LRCH4: variants seen among roughly 807,000 people sequenced by gnomAD.
LRCH4 encodes leucine rich repeats and calponin homology domain containing 4, also known as leucine-rich repeat and calponin homology domain-containing protein 4.
LRCH4 carries 56 observed loss-of-function variants against 81.2 expected under a neutral mutation model. The observed-to-expected ratio is 0.69, with a 90% CI of 0.56 to 0.86. LRCH4 has a LOEUF of 0.86. Among genes scored for constraint, LRCH4 ranks in the 40% least tolerant of loss-of-function variants. The pLI, the probability that LRCH4 is intolerant of heterozygous loss-of-function variation, is 0.00. For missense variants in LRCH4, 895 were observed against 922.8 expected, an observed-to-expected ratio of 0.97 and a Z score of 0.39; for synonymous variants, 442 against 409.7, an observed-to-expected ratio of 1.08 and a Z score of -0.95.
chr7:100,585,711 G>A (rs920042351), intron 1 of LRCH4, among the ~76,000 whole-genome samples, 170 bp downstream of exon 1: 1 of 152,186 alleles, frequency 6.6e-6, no homozygotes, highest in African/African-American at 2.4e-5. Flanking sequence ...TCATTGTCTA[G>A]GGGGTTCTCA....
At position 100,578,519 on chromosome 7, in the gene LRCH4, C is replaced by A; in HGVS notation, c.736-8G>T. ...TTTCCCCTTCAGGCAGACCTGTGTG[C>A]GGGGCAGCACACGCCAGGGAGTTGG... On this transcript the variant is annotated splice_polypyrimidine_tract_variant and splice_region_variant and intron_variant, in intron 5 of 17. Transcript: ENST00000310300. This position sits in a 1 kb window ranked among gnomAD's most constrained non-coding sequence, Gnocchi z 5.7. 1 of 1,610,978 alleles carries A rather than the reference C, an allele frequency of 6.2e-7. No individual in the cohort carries two copies. Among genetic ancestry groups the A allele is most frequent in the Non-Finnish European group, 8.5e-7 (1 of 1,178,132 alleles).
Position 100,577,458 on chromosome 7 carries a change from A to C in LRCH4, c.1178+39T>G, listed in dbSNP as rs1392398337. ...GGGAAGGAGGCGGTTGGGGGGTGGGAGGATCGGGCAGTGGCGTCAGTTTGG... is the reference window on the plus strand; with the variant it reads ...GGGAAGGAGGCGGTTGGGGGGTGGGCGGATCGGGCAGTGGCGTCAGTTTGG... On this transcript the variant is annotated intron_variant, in intron 10 of 17. Coordinates refer to ENST00000310300, the MANE Select transcript of LRCH4 (RefSeq NM_002319.5). The surrounding 1 kb of genome is among the most constrained non-coding windows in gnomAD (Gnocchi z 6.7). The C allele has an allele frequency of 6.2e-7, 1 of 1,603,186 alleles. No individual in the cohort carries two copies. Among genetic ancestry groups the C allele is most frequent in the Non-Finnish European group, 8.5e-7 (1 of 1,179,704 alleles).
At position 100,578,309 on chromosome 7, in the gene LRCH4, C is replaced by T. The variant is rs77186730; in HGVS notation, c.849-51G>A. On this transcript the variant is annotated intron_variant, in intron 6 of 17. Transcript: ENST00000310300. This position sits in a 1 kb window ranked among gnomAD's most constrained non-coding sequence, Gnocchi z 5.7. ...CAGCCTGATGCTGGACAACAGCCCC[C>T]CATCCTCCTGCCAGAAAGCAGGGGG... is the stretch of plus-strand genomic sequence containing the variant. The T allele has an allele frequency of 4.8e-3, 7,699 of 1,602,172 alleles. 32 individuals are homozygous for T. Among genetic ancestry groups the T allele is most frequent in the Non-Finnish European group, 5.0e-3 (5,789 of 1,169,244 alleles).
chr7:100,578,119 G>T lies in LRCH4; in HGVS notation c.948+40C>A. On this transcript the variant is annotated intron_variant, in intron 7 of 17. Coordinates refer to ENST00000310300, the MANE Select transcript of LRCH4 (RefSeq NM_002319.5). This position sits in a 1 kb window ranked among gnomAD's most constrained non-coding sequence, Gnocchi z 5.7. ...CCCCAGTTCAGAGGTGCTCTCCCAGGGCTGACACCCTCAATCACCCATGGA... is the reference window on the plus strand; with the variant it reads ...CCCCAGTTCAGAGGTGCTCTCCCAGTGCTGACACCCTCAATCACCCATGGA... 1 of 1,596,758 alleles carries T rather than the reference G, an allele frequency of 6.3e-7. No homozygotes were observed. The highest frequency in any genetic ancestry group is 8.6e-7 in the Non-Finnish European group (1 of 1,164,398).
In LRCH4 at chr7:100,576,282, G is replaced by C. The variant is rs1321922904; in HGVS notation, c.1594C>G (p.Pro532Ala). Residue 532 changes from proline to alanine, a missense_variant, in exon 15 of 18, where the codon CCC becomes GCC. By Grantham distance (27) the Pro-to-Ala change is conservative. Transcript: ENST00000310300. The part of the protein sequence containing the change: ...PDSVLRPRRY[P>A]QVPDEKDLMT... ...AAGTCCTTCTCATCTGGAACCTGGG[G>C]GTACCGCCGAGGTCTCAGGACAGAG... is the stretch of plus-strand genomic sequence containing the variant. The C allele has an allele frequency of 9.9e-6, 16 of 1,614,030 alleles. No individual in the cohort carries two copies. Among genetic ancestry groups the C allele is most frequent in the African/African-American group, 1.3e-5 (1 of 74,920 alleles).
In LRCH4 at chr7:100,577,102, T is replaced by G; in HGVS notation, c.1348A>C (p.Thr450Pro). Residue 450 changes from threonine to proline, a missense_variant, in exon 12 of 18, where the codon ACT (threonine) becomes CCT (proline). This residue lies in a region of LRCH4 where 529 missense variants were observed against 504.9 expected (regional missense o/e 1.05). Transcript: ENST00000310300. The surrounding 1 kb of genome is among the most constrained non-coding windows in gnomAD (Gnocchi z 6.7). ...AVVGGAAAVS[T>P]QAMHNGSPKS... ...GAAACCTACTTGTGCATGGCTTGAG[T>G]GGACACGGCGGCGGCCCCTCCCACA... 1 of 1,613,838 alleles carries G rather than the reference T, an allele frequency of 6.2e-7. No individual in the cohort carries two copies. The highest frequency in any genetic ancestry group is 1.1e-5 in the South Asian group (1 of 91,068).
At position 100,578,883 on chromosome 7, in the gene LRCH4, G is replaced by A. The variant is rs1022717203; in HGVS notation, c.599-97C>T. 7.2e-5 allele frequency: 100 copies of A among 1,387,392 alleles called. No homozygotes were observed. The highest frequency in any genetic ancestry group is 9.6e-5 in the Non-Finnish European group (97 of 1,010,124). 85.9% of individuals were successfully genotyped at this position (1,387,392 alleles called of 1,614,324 possible). On this transcript the variant is annotated intron_variant, in intron 4 of 17. Coordinates refer to ENST00000310300, the MANE Select transcript of LRCH4 (RefSeq NM_002319.5). The surrounding 1 kb of genome is among the most constrained non-coding windows in gnomAD (Gnocchi z 5.7). ...TTGGCTCCAGCTGGCCAGTCACCCT[G>A]GGCCCAGCACAGCCTCTCCCCTGGG...
intron 4 of LRCH4, among the ~76,000 whole-genome samples, chr7:100,581,133 G>T (rs1801544125): frequency 6.6e-6 from 1 of 152,204 alleles, no homozygotes; most frequent in South Asian, 2.1e-4. Flanking sequence ...GACCTTGAAG[G>T]CCCCTTCTGA....
Position 100,581,787 on chromosome 7 carries a change from C to A in LRCH4, c.588G>T (p.Thr196=). Residue 196 remains threonine (T), a synonymous_variant, in exon 4 of 18, where the codon ACG becomes ACT. Transcript: ENST00000310300. The part of the protein sequence containing the change: ...DLNVRRNQLS[T]LPEELGDLPL... The stretch of plus-strand genomic sequence containing the variant: ...CTTCATTCTTCTCACCTTCGGGCAG[C>A]GTACTGAGCTGGTTCCTCCGGACAT... The A allele has an allele frequency of 1.2e-6, 2 of 1,614,102 alleles. No individual in the cohort carries two copies. The highest frequency in any genetic ancestry group is 1.7e-6 in the Non-Finnish European group (2 of 1,179,928).
intron 1 of LRCH4, 87 bp downstream of exon 1, chr7:100,585,794 C>CGGGCCCGACTCCCGGGCCGGGCG (rs1406313063): frequency 7.3e-7 from 1 of 1,371,740 alleles, no homozygotes; most frequent in Non-Finnish European, 9.6e-7. Context: ...GGTGAAGGGG[C>CGGGCCCGACTCCCGGGCCGGGCG]GGGCCCGACT....
chr7:100,580,562 CACAACACAT>C (rs960041026), intron 4 of LRCH4: 1 of 150,358 alleles, frequency 6.7e-6, no homozygotes, highest in South Asian at 2.1e-4. Context: ...CCCAAACACA[CACAACACAT>C]ACAACACACA....
At position 100,578,155 on chromosome 7, in the gene LRCH4, T is replaced by C. The variant is rs376159235; in HGVS notation, c.948+4A>G. 491 of 1,613,906 alleles carry C rather than the reference T, an allele frequency of 3.0e-4. No homozygotes were observed. The highest frequency in any genetic ancestry group is 3.9e-4 in the Non-Finnish European group (465 of 1,179,882). On this transcript the variant is annotated splice_donor_region_variant and intron_variant, in intron 7 of 17. Coordinates refer to ENST00000310300, the MANE Select transcript of LRCH4 (RefSeq NM_002319.5). This position sits in a 1 kb window ranked among gnomAD's most constrained non-coding sequence, Gnocchi z 5.7. ...TCAATCACCCATGGACAGGACGCCC[T>C]TACCTCATTTCCAGACCACCTCTTG...
rs748059172 is a variant in LRCH4, at chr7:100,577,802, C to T, written c.1039+20G>A. 8.1e-6 allele frequency: 13 copies of T among 1,613,748 alleles called. No individual in the cohort carries two copies. The highest frequency in any genetic ancestry group is 3.3e-5 in the South Asian group (3 of 91,076). On this transcript the variant is annotated intron_variant, in intron 8 of 17. Transcript: ENST00000310300. The surrounding 1 kb of genome is among the most constrained non-coding windows in gnomAD (Gnocchi z 6.7). ...CCAGGCCCTGGTCCAGCCCAGCTCCCGGCCAGCCCTGCTACTCACCTGAGC... is the reference window on the plus strand; with the variant it reads ...CCAGGCCCTGGTCCAGCCCAGCTCCTGGCCAGCCCTGCTACTCACCTGAGC...
At position 100,585,934 on chromosome 7, in the gene LRCH4, T is replaced by A; in HGVS notation, c.167A>T (p.His56Leu). The A allele has an allele frequency of 6.2e-7, 1 of 1,611,830 alleles. No homozygotes were observed. Among genetic ancestry groups the A allele is most frequent in the African/African-American group, 1.3e-5 (1 of 74,714 alleles). Residue 56 changes from histidine to leucine, a missense_variant, in exon 1 of 18, where the codon CAC (histidine) becomes CTC (leucine). By Grantham distance (99) the His-to-Leu change is moderately conservative (BLOSUM62 -3). Transcript: ENST00000310300. ...GCTACGGGCCGCGCCCCGGGGGAAG[T>A]GCTTCAAGCGCCGGTTAGACAGGTT... ...TLNLSNRRLKHFPRGAARSYD... is the reference protein window; with the variant it reads ...TLNLSNRRLKLFPRGAARSYD...
In LRCH4 at chr7:100,586,089, G is replaced by A. The variant is rs893024206; in HGVS notation, c.12C>T (p.Ala4=). The A allele has an allele frequency of 1.3e-6, 2 of 1,529,396 alleles. No homozygotes were observed. Among genetic ancestry groups the A allele is most frequent in the Non-Finnish European group, 8.8e-7 (1 of 1,135,628 alleles). 94.7% of individuals were successfully genotyped at this position (1,529,396 alleles called of 1,614,324 possible). A position where few individuals can be genotyped will look rare whatever the true frequency, so the allele number is the denominator to read the frequency against. The change falls in exon 1 of 18, where the codon GCC becomes GCT. Residue 4 remains alanine (A), a synonymous_variant. Transcript: ENST00000310300. MAA[A]VAAPLAAGGE... ...CCCCGGCGGCGAGTGGAGCCGCTAC[G>A]GCCGCCGCCATCCGCTCCCGGCGGC... is the stretch of plus-strand genomic sequence containing the variant.
rs879042525 is a variant in LRCH4, at chr7:100,575,794, G to C, written c.1777-12C>G. 6.2e-7 allele frequency: 1 copy of C among 1,607,466 alleles called. No individual in the cohort carries two copies. Among genetic ancestry groups the C allele is most frequent in the South Asian group, 1.1e-5 (1 of 90,740 alleles). ...GCACTGAGTTTTGGCTGGGGTGGGT[G>C]AAAGAAGAAAATGTGGTAAGGGAGA... On this transcript the variant is annotated splice_polypyrimidine_tract_variant and intron_variant, in intron 16 of 17. Transcript: ENST00000310300. This position sits in a 1 kb window ranked among gnomAD's most constrained non-coding sequence, Gnocchi z 5.3.
At chr7:100,581,659 G>C in intron 4 of LRCH4, 118 bp downstream of exon 4, 1 of 824,110 alleles carries the variant, frequency 1.2e-6, no homozygotes, top group Non-Finnish European at 2.0e-6. Flanking sequence ...CCAGAACTGT[G>C]AAAAATGAAT....
In LRCH4 at chr7:100,586,122, G is replaced by C; in HGVS notation, c.-22C>G. 1 of 1,503,778 alleles carries C rather than the reference G, an allele frequency of 6.6e-7. No individual in the cohort carries two copies. The highest frequency in any genetic ancestry group is 1.3e-5 in the South Asian group (1 of 78,996). The allele number at this position is 1,503,778 out of a possible 1,614,324, so 93.2% of individuals were successfully genotyped here. On this transcript the variant is annotated 5_prime_UTR_variant, in exon 1 of 18. Transcript: ENST00000310300. ...CCATCCGCTCCCGGCGGCTCCCGCT[G>C]CCTGACTGACGGGACCGGCCGTCCC...
rs1323951499 is a variant in LRCH4 at position 100,580,336 on chromosome 7, G to A, written c.598+1441C>T. ...CCTCAAGAAGCCATTAAATCCCTAA[G>A]AGATGGCCCCAGATCTTAGTCACAT... On this transcript the variant is annotated intron_variant, in intron 4 of 17. Transcript: ENST00000310300. 2.6e-5 allele frequency: 4 copies of A among 151,722 alleles called. No individual in the cohort carries two copies. The East Asian group carries it at 7.7e-4, about 29-fold the overall frequency. The allele number at this position is 151,722 out of a possible 1,614,324, so 9.4% of individuals were successfully genotyped here.
Sources: allele counts gnomAD v4.1 joint callset (sites outside exome capture counted in the v4.1 genomes callset), GRCh38; gene constraint gnomAD v4.1.1; regional missense constraint gnomAD v4.1.1; non-coding constraint Gnocchi (gnomAD v3.1); transcripts MANE v1.5; gene names NCBI Gene and HGNC (gene_info 2026-07-23, HGNC 2026-07-21).